BLTP1: variants seen among roughly 807,000 people sequenced by gnomAD.
BLTP1 encodes bridge-like lipid transfer protein family member 1, also known as fragile site-associated protein.
chr4:122,157,670 G>A, the BLTP1 span, among the ~76,000 whole-genome samples: 2 of 152,138 alleles, frequency 1.3e-5, no homozygotes, highest in Admixed American at 1.3e-4. Flanking sequence ...CCTGGGGGTT[G>A]GGGACCCCTG....
the BLTP1 span, chr4:122,331,159 G>GC: frequency 1.1e-6 from 1 of 930,896 alleles, no homozygotes; most frequent in Non-Finnish European, 1.3e-6. Context: ...TAGTTATTCA[G>GC]TACATAGTAG....
At chr4:122,347,565 A>G in the BLTP1 span, 4 of 1,613,648 alleles carry the variant, frequency 2.5e-6, no homozygotes, top group South Asian at 1.1e-5. Flanking sequence ...GGGTAAGCCA[A>G]CACCTTTCCC....
chr4:122,327,805 T>C, the BLTP1 span: 1 of 161,538 alleles, frequency 6.2e-6, no homozygotes, highest in Non-Finnish European at 1.3e-5. Flanking sequence ...TTTCTTTTGC[T>C]TCCACATGTT....
the BLTP1 span, chr4:122,172,889 T>C: frequency 2.0e-6 from 3 of 1,505,458 alleles, no homozygotes; most frequent in South Asian, 1.3e-5. Flanking sequence ...AATTTATGCT[T>C]TTCTGGATTA....
chr4:122,302,526 G>A, the BLTP1 span, among the ~76,000 whole-genome samples: 2 of 152,184 alleles, frequency 1.3e-5, no homozygotes, highest in African/African-American at 4.8e-5. Context: ...GGCGCCAGGA[G>A]CTGCACCAAT....
At chr4:122,323,624 C>T in the BLTP1 span, among the ~76,000 whole-genome samples, 1 of 151,974 alleles carries the variant, frequency 6.6e-6, no homozygotes, top group East Asian at 1.9e-4. Flanking sequence ...AGTTTGAATA[C>T]TGCTCTCCAA....
At chr4:122,335,651 G>A in the BLTP1 span, among the ~76,000 whole-genome samples, 32 of 152,244 alleles carry the variant, frequency 2.1e-4, no homozygotes, top group Admixed American at 8.5e-4. Flanking sequence ...GAAGTTGGAT[G>A]TCTTTCCTGG....
chr4:122,224,936 T>C, the BLTP1 span: 1 of 1,259,798 alleles, frequency 7.9e-7, no homozygotes, highest in Non-Finnish European at 1.0e-6. Context: ...AGACTTTCTT[T>C]GGGAAAAATT....
At chr4:122,247,570 T>A in the BLTP1 span, 1 of 1,103,304 alleles carries the variant, frequency 9.1e-7, no homozygotes, top group Admixed American at 3.1e-5. Flanking sequence ...GTAAGAAAAT[T>A]AAGTGGTATG....
the BLTP1 span, chr4:122,262,603 T>G: frequency 8.2e-6 from 3 of 365,224 alleles, no homozygotes; most frequent in Non-Finnish European, 1.1e-5. Context: ...TAAGGACGTA[T>G]GTAAAAAGGA....
At chr4:122,338,333 C>T in the BLTP1 span, among the ~76,000 whole-genome samples, 2,118 of 151,630 alleles carry the variant, frequency 0.014, 53 homozygotes, top group African/African-American at 0.048. Flanking sequence ...ATTAGCGAGG[C>T]GTGATTGTAT....
chr4:122,195,118 A>G, the BLTP1 span, among the ~76,000 whole-genome samples: 12 of 152,352 alleles, frequency 7.9e-5, no homozygotes, highest in South Asian at 2.5e-3. Flanking sequence ...AACATAAGGC[A>G]TACAGAAAGA....
chr4:122,331,666 G>C, the BLTP1 span: 1 of 1,429,992 alleles, frequency 7.0e-7, no homozygotes, highest in Non-Finnish European at 9.1e-7. Flanking sequence ...TGTAATTATA[G>C]TTATAATGGT....
At chr4:122,205,599 G>A in the BLTP1 span, among the ~76,000 whole-genome samples, 4 of 134,636 alleles carry the variant, frequency 3.0e-5, no homozygotes, top group Non-Finnish European at 4.7e-5. Flanking sequence ...TAGTATCAAA[G>A]TCTGTGCTAT....
At chr4:122,230,004 A>G in the BLTP1 span, 6 of 1,614,048 alleles carry the variant, frequency 3.7e-6, no homozygotes, top group East Asian at 1.1e-4. Flanking sequence ...GCTGCAATTC[A>G]GGATTTTCAA....
the BLTP1 span, chr4:122,251,437 T>A: frequency 1.1e-6 from 1 of 909,246 alleles, no homozygotes; most frequent in Non-Finnish European, 1.3e-6. Flanking sequence ...CCTAGGGATT[T>A]ATTTTTAAAA....
At chr4:122,262,984 G>A in the BLTP1 span, 9 of 1,612,692 alleles carry the variant, frequency 5.6e-6, no homozygotes, top group South Asian at 9.9e-5. Context: ...ACGAGAACAG[G>A]TACGTCCTCT....
the BLTP1 span, chr4:122,219,627 T>G: frequency 1.6e-6 from 2 of 1,215,616 alleles, no homozygotes; most frequent in Non-Finnish European, 2.4e-6. Context: ...TGTGTATAGA[T>G]GTGAAGCATT....
chr4:122,353,937 G>A, the BLTP1 span: 2 of 1,613,664 alleles, frequency 1.2e-6, no homozygotes, highest in Admixed American at 1.7e-5. The surrounding 1 kb of genome is among the most constrained non-coding windows in gnomAD (Gnocchi z 4.3). Context: ...AAGATAACAA[G>A]GCGTCGCCAT....
Sources: allele counts gnomAD v4.1 joint callset (sites outside exome capture counted in the v4.1 genomes callset), GRCh38; gene constraint gnomAD v4.1.1; non-coding constraint Gnocchi (gnomAD v3.1); transcripts MANE v1.5; gene names NCBI Gene and HGNC (gene_info 2026-07-23, HGNC 2026-07-21).